C2orf76: variants seen among roughly 807,000 people sequenced by gnomAD.
The protein encoded by C2orf76 is UPF0538 protein C2orf76.
C2orf76 carries 23 observed loss-of-function variants against 16.9 expected under a neutral mutation model. The ratio of observed to expected loss-of-function variants is 1.36; its 90% CI spans 0.98 to 1.93. The LOEUF is 1.93. C2orf76 is among the 30% of genes most tolerant of loss of function. The pLI is 0.00. For synonymous variants in C2orf76, 48 were observed against 52.3 expected, an observed-to-expected ratio of 0.92 and a Z score of 0.35; for missense variants, 152 against 152.6, an observed-to-expected ratio of 1.00 and a Z score of 0.02.
chr2:119,297,201 T>TG, the C2orf76 span, among the ~76,000 whole-genome samples: 1 of 152,210 alleles, frequency 6.6e-6, no homozygotes, highest in Admixed American at 6.5e-5. Flanking sequence ...ATCTCACAGA[T>TG]GGGGAAACCA....
intron 2 of C2orf76, among the ~76,000 whole-genome samples, chr2:119,328,977 C>T (rs545254362): frequency 6.6e-6 from 1 of 152,078 alleles, no homozygotes; most frequent in African/African-American, 2.4e-5. Context: ...CCTTTAAAAT[C>T]GATTAAGACT....
the C2orf76 span, among the ~76,000 whole-genome samples, chr2:119,286,224 C>CGAAA: frequency 3.3e-5 from 2 of 60,342 alleles, no homozygotes; most frequent in African/African-American, 1.1e-4. Context: ...GACTCCATCT[C>CGAAA]AAAAAAAAAA....
chr2:119,359,339 G>A (rs1596904), intron 1 of C2orf76, among the ~76,000 whole-genome samples: 10,360 of 152,254 alleles, frequency 0.068, 490 homozygotes, highest in Non-Finnish European at 0.1. Flanking sequence ...TTTCATGCCT[G>A]CTACCACAAT....
At chr2:119,363,423 CAA>C (rs561547022) in intron 1 of C2orf76, among the ~76,000 whole-genome samples, 6 of 95,258 alleles carry the variant, frequency 6.3e-5, no homozygotes, top group Admixed American at 2.4e-4. Flanking sequence ...GACTCTGTCT[CAA>C]AAAAAAAAAA....
At chr2:119,364,566 G>A (rs1205439085) in intron 1 of C2orf76, among the ~76,000 whole-genome samples, 1 of 152,180 alleles carries the variant, frequency 6.6e-6, no homozygotes, top group Non-Finnish European at 1.5e-5. Flanking sequence ...TGCCTAAGAA[G>A]TGCCAGACAC....
chr2:119,318,813 C>T (rs1276010161), intron 3 of C2orf76, among the ~76,000 whole-genome samples: 1 of 152,146 alleles, frequency 6.6e-6, no homozygotes, highest in Non-Finnish European at 1.5e-5. Flanking sequence ...GCATGATCCA[C>T]TGCATCTGGC....
At chr2:119,311,819 C>T in intron 4 of C2orf76, 116 bp from the exon 5 acceptor site, 2 of 963,202 alleles carry the variant, frequency 2.1e-6, no homozygotes, top group Non-Finnish European at 3.0e-6. Context: ...AAGTAGATTC[C>T]ACTGCCCTGG....
the C2orf76 span, among the ~76,000 whole-genome samples, chr2:119,284,826 T>C: frequency 6.6e-6 from 1 of 152,178 alleles, no homozygotes; most frequent in African/African-American, 2.4e-5. Context: ...TTGTAAACGA[T>C]TTAACCCATC....
chr2:119,358,349 G>T (rs1411802271), intron 1 of C2orf76, among the ~76,000 whole-genome samples: 1 of 152,130 alleles, frequency 6.6e-6, no homozygotes, highest in Non-Finnish European at 1.5e-5. Flanking sequence ...GGCCTAGGTG[G>T]GTGGATCACC....
At chr2:119,323,006 G>A (rs1281206372) in intron 2 of C2orf76, among the ~76,000 whole-genome samples, 3 of 152,042 alleles carry the variant, frequency 2.0e-5, no homozygotes, top group Admixed American at 1.3e-4. Context: ...AAATATCCAC[G>A]TATCTAAATT....
In C2orf76 at chr2:119,347,049, A is replaced by T. The variant is rs73948666; in HGVS notation, c.-12-7078T>A. On this transcript the variant is annotated intron_variant, in intron 1 of 5. Transcript: ENST00000334816. ...TCTAATGAAATGAGTGTAGGTGATG[A>T]TCATAAAGCGGTGTTAAAACCATCA... Among the ~76,000 whole-genome samples, 906 of 152,306 alleles carry T rather than the reference A, an allele frequency of 5.9e-3. 10 individuals carry two copies. The highest frequency in any genetic ancestry group is 0.019 in the African/African-American group (810 of 41,568).
rs750942654 is a variant in C2orf76, at chr2:119,339,886, A to G, written c.74T>C (p.Val25Ala). 1.9e-6 allele frequency: 3 copies of G among 1,613,010 alleles called. No homozygotes were observed. The highest frequency in any genetic ancestry group is 2.5e-6 in the Non-Finnish European group (3 of 1,179,000). The change falls in exon 2 of 6, where the codon GTG becomes GCG. Residue 25 changes from valine to alanine, a missense_variant. By Grantham distance (64) the Val-to-Ala change is moderately conservative. Coordinates refer to ENST00000334816, the MANE Select transcript of C2orf76 (RefSeq NM_001322331.2). Reference protein sequence around the residue: ...SFEHRNFKPVVYHGVNLDQTV... With the variant: ...SFEHRNFKPVAYHGVNLDQTV... Reference sequence around the variant, plus strand: ...TTGGTCCAAATTCACTCCGTGATACACTACAGGTTTGAAATTGCGATGTTC... The same window carrying G: ...TTGGTCCAAATTCACTCCGTGATACGCTACAGGTTTGAAATTGCGATGTTC...
chr2:119,363,162 C>T (rs766168558), intron 1 of C2orf76, among the ~76,000 whole-genome samples: 10 of 152,134 alleles, frequency 6.6e-5, no homozygotes, highest in East Asian at 1.9e-4. Context: ...ACATGGCTCA[C>T]GCCTGTAATC....
At chr2:119,346,139 T>C (rs539871209) in intron 1 of C2orf76, among the ~76,000 whole-genome samples, 16 of 146,012 alleles carry the variant, frequency 1.1e-4, no homozygotes, top group Admixed American at 2.1e-4. Context: ...AACACAGCAA[T>C]AGCCCCAAAT....
At chr2:119,340,012 T>C (rs993427464) in intron 1 of C2orf76, 41 bp from the exon 2 acceptor site, 1 of 1,584,576 alleles carries the variant, frequency 6.3e-7, no homozygotes, top group Non-Finnish European at 8.6e-7. Flanking sequence ...TGAAGCCAGC[T>C]CACAGTTGTC....
At chr2:119,319,043 T>C (rs2104562273) in intron 3 of C2orf76, among the ~76,000 whole-genome samples, 1 of 152,210 alleles carries the variant, frequency 6.6e-6, no homozygotes, top group African/African-American at 2.4e-5. Flanking sequence ...TTACTATAGA[T>C]ATGTTTATTA....
At chr2:119,322,409 T>C (rs1055833167) in intron 2 of C2orf76, among the ~76,000 whole-genome samples, 2 of 152,108 alleles carry the variant, frequency 1.3e-5, no homozygotes, top group African/African-American at 4.8e-5. Context: ...GGTTTTGTCA[T>C]GTTGCCCAGG....
chr2:119,323,227 C>T (rs7560808), intron 2 of C2orf76, among the ~76,000 whole-genome samples: 2,621 of 151,560 alleles, frequency 0.017, 63 homozygotes, highest in African/African-American at 0.057. Context: ...CACTAGGTTG[C>T]CCAGGCTGAT....
At chr2:119,304,796 G>A (rs1309716297) in intron 5 of C2orf76, among the ~76,000 whole-genome samples, 1 of 152,194 alleles carries the variant, frequency 6.6e-6, no homozygotes, top group Non-Finnish European at 1.5e-5. Flanking sequence ...GTAAGACTCT[G>A]TGGAAAATGT....
Sources: allele counts gnomAD v4.1 joint callset (sites outside exome capture counted in the v4.1 genomes callset), GRCh38; gene constraint gnomAD v4.1.1; transcripts MANE v1.5; gene names NCBI Gene and HGNC (gene_info 2026-07-23, HGNC 2026-07-21).